DIAPH3: variants seen among roughly 807,000 people sequenced by gnomAD.
The protein encoded by DIAPH3 is diaphanous related formin 3, also known as protein diaphanous homolog 3.
In DIAPH3, 117 loss-of-function variants were observed where a neutral mutation model predicts 144.3. The observed-to-expected ratio is 0.81, with a 90% CI of 0.70 to 0.95. The LOEUF (loss-of-function observed/expected upper bound fraction) is 0.95, where lower values mean the gene tolerates loss of function less well. Among genes scored for constraint, DIAPH3 ranks in the 40% least tolerant of loss-of-function variants. DIAPH3 has a pLI of 0.00. For synonymous variants in DIAPH3, 519 were observed against 488.9 expected (o/e 1.06, Z -0.81); for missense variants, 1,421 against 1,412.7 (o/e 1.01, Z -0.09).
At chr13:59,675,424 G>A (rs1056540211) in intron 27 of DIAPH3, among the ~76,000 whole-genome samples, 23 of 147,914 alleles carry the variant, frequency 1.6e-4, no homozygotes, top group African/African-American at 5.5e-4. Flanking sequence ...TCGCTCTGTC[G>A]CCCAGGCTGG....
At chr13:59,932,007 C>A (rs898996104) in intron 17 of DIAPH3, among the ~76,000 whole-genome samples, 1 of 152,180 alleles carries the variant, frequency 6.6e-6, no homozygotes, top group Non-Finnish European at 1.5e-5. Flanking sequence ...TCTCCTTATT[C>A]CCAGAATTTA....
At chr13:60,024,161 G>T (rs1285668491) in intron 5 of DIAPH3, among the ~76,000 whole-genome samples, 1 of 151,920 alleles carries the variant, frequency 6.6e-6, no homozygotes, top group Non-Finnish European at 1.5e-5. Flanking sequence ...ACCCTATTCA[G>T]CCATTATTTC....
chr13:59,892,766 T>C (rs997887295), intron 20 of DIAPH3, among the ~76,000 whole-genome samples: 2 of 151,990 alleles, frequency 1.3e-5, no homozygotes, highest in African/African-American at 4.8e-5. Flanking sequence ...AGTAAGATGC[T>C]AGATTTAAAC....
At chr13:59,705,253 C>A (rs11840824) in intron 27 of DIAPH3, among the ~76,000 whole-genome samples, 23,898 of 152,046 alleles carry the variant, frequency 0.16, 2,252 homozygotes, top group South Asian at 0.25. Flanking sequence ...ACAAGAGAGC[C>A]GCCATGAATT....
chr13:59,900,444 C>A (rs1246471063), intron 20 of DIAPH3, among the ~76,000 whole-genome samples: 1 of 152,190 alleles, frequency 6.6e-6, no homozygotes, highest in East Asian at 1.9e-4. Flanking sequence ...TCCCTCTCAC[C>A]CCAACTCATG....
intron 22 of DIAPH3, among the ~76,000 whole-genome samples, chr13:59,857,554 A>G (rs1425548787): frequency 6.6e-6 from 1 of 152,184 alleles, no homozygotes; most frequent in African/African-American, 2.4e-5. Flanking sequence ...ATGAGTTAAC[A>G]TTGAATCCAC....
chr13:59,983,094 A>G (rs547774302), intron 13 of DIAPH3, among the ~76,000 whole-genome samples: 1 of 150,666 alleles, frequency 6.6e-6, no homozygotes, highest in South Asian at 2.1e-4. Flanking sequence ...GAAAACTTTA[A>G]TAAAAACTCA....
chr13:60,095,319 C>T (rs920886635), intron 3 of DIAPH3, among the ~76,000 whole-genome samples: 1 of 152,170 alleles, frequency 6.6e-6, no homozygotes, highest in African/African-American at 2.4e-5. Flanking sequence ...GGTGCTGCTC[C>T]TTGCAGAGCA....
intron 24 of DIAPH3, among the ~76,000 whole-genome samples, chr13:59,822,201 A>G (rs1163669413): frequency 6.6e-6 from 1 of 152,124 alleles, no homozygotes; most frequent in Non-Finnish European, 1.5e-5. Flanking sequence ...TTGATTTCCC[A>G]TTGTGTGTTC....
At chr13:60,008,496 G>T in intron 9 of DIAPH3, 48 bp downstream of exon 9, 1 of 1,254,714 alleles carries the variant, frequency 8.0e-7, no homozygotes, top group Non-Finnish European at 1.2e-6. Flanking sequence ...ACCGTTAAAA[G>T]TAATATATGC....
chr13:59,857,268 A>C (rs1265243156), intron 22 of DIAPH3, among the ~76,000 whole-genome samples: 1 of 152,132 alleles, frequency 6.6e-6, no homozygotes, highest in Non-Finnish European at 1.5e-5. Flanking sequence ...AAGTGTTCTA[A>C]GTGCTCACAG....
chr13:59,990,561 T>A (rs1336385416), intron 12 of DIAPH3, among the ~76,000 whole-genome samples: 1 of 151,924 alleles, frequency 6.6e-6, no homozygotes, highest in African/African-American at 2.4e-5. Flanking sequence ...CTAGAACTTT[T>A]ACCCACATTC....
chr13:59,698,012 T>C (rs2033912026), intron 27 of DIAPH3, among the ~76,000 whole-genome samples: 5 of 152,316 alleles, frequency 3.3e-5, no homozygotes, highest in Admixed American at 3.3e-4. Flanking sequence ...TTACATTATC[T>C]TAAATTATGG....
chr13:59,887,636 T>C (rs2045537118), intron 20 of DIAPH3, among the ~76,000 whole-genome samples: 1 of 152,148 alleles, frequency 6.6e-6, no homozygotes, highest in Admixed American at 6.6e-5. Context: ...ATGGTCTACC[T>C]TGGTAAACAT....
chr13:59,864,190 C>T (rs752045032), intron 21 of DIAPH3, among the ~76,000 whole-genome samples: 37 of 152,080 alleles, frequency 2.4e-4, no homozygotes, highest in Middle Eastern at 6.8e-3. Context: ...CTTTAAGTTT[C>T]GTTACAATCC....
chr13:60,137,289 C>T (rs1217697017), intron 1 of DIAPH3, among the ~76,000 whole-genome samples: 1 of 152,122 alleles, frequency 6.6e-6, no homozygotes, highest in Non-Finnish European at 1.5e-5. Flanking sequence ...TCTCTATATT[C>T]CCATTTAAGC....
chr13:59,740,729 C>T (rs1169409879), intron 27 of DIAPH3, among the ~76,000 whole-genome samples: 1 of 152,078 alleles, frequency 6.6e-6, no homozygotes, highest in Non-Finnish European at 1.5e-5. Context: ...ACTTATCTAC[C>T]TTTATTTAAC....
intron 9 of DIAPH3, among the ~76,000 whole-genome samples, chr13:60,001,832 G>A (rs1457834649): frequency 6.6e-6 from 1 of 152,122 alleles, no homozygotes; most frequent in Non-Finnish European, 1.5e-5. Context: ...AGTTACTCTG[G>A]GGAGCTTCCT....
intron 24 of DIAPH3, among the ~76,000 whole-genome samples, chr13:59,828,291 GA>G (rs1338582042): frequency 6.6e-6 from 1 of 151,902 alleles, no homozygotes; most frequent in African/African-American, 2.4e-5. Flanking sequence ...AATTTTAAAA[GA>G]ACACATTTCA....
Sources: allele counts gnomAD v4.1 joint callset (sites outside exome capture counted in the v4.1 genomes callset), GRCh38; gene constraint gnomAD v4.1.1; transcripts MANE v1.5; gene names NCBI Gene and HGNC (gene_info 2026-07-23, HGNC 2026-07-21).